Variants in RBM20 observed in about 807,000 individuals in gnomAD.
The protein encoded by RBM20 is RNA binding motif protein 20, also known as RNA-binding protein 20.
Under a neutral mutation model 110.1 loss-of-function variants are expected in RBM20, and 51 were observed. The observed-to-expected ratio is 0.46, with a 90% CI of 0.37 to 0.59. RBM20 has a LOEUF of 0.59. RBM20 is among the 20% of genes least tolerant of loss of function. The pLI is 0.00. For synonymous variants in RBM20, 589 were observed against 618.2 expected (o/e 0.95, Z 0.70); for missense variants, 1,512 against 1,574.9 (o/e 0.96, Z 0.68).
chr10:110,650,850 A>G (rs1257836065), intron 1 of RBM20, among the ~76,000 whole-genome samples: 1 of 152,214 alleles, frequency 6.6e-6, no homozygotes, highest in Non-Finnish European at 1.5e-5. Context: ...TAGGTAATAT[A>G]TATTTTAAAG....
intron 1 of RBM20, among the ~76,000 whole-genome samples, chr10:110,672,362 A>C (rs1338916370): frequency 6.6e-6 from 1 of 152,220 alleles, no homozygotes. Flanking sequence ...TCGTGTTTGA[A>C]AACTAGAAGC....
intron 1 of RBM20, among the ~76,000 whole-genome samples, chr10:110,762,294 C>T (rs542069529): frequency 1.3e-5 from 2 of 152,310 alleles, no homozygotes; most frequent in South Asian, 4.1e-4. Context: ...GACTTACTGC[C>T]TACCACATGT....
chr10:110,679,144 G>A (rs886126677), intron 1 of RBM20, among the ~76,000 whole-genome samples: 3 of 152,176 alleles, frequency 2.0e-5, no homozygotes, highest in African/African-American at 4.8e-5. Flanking sequence ...TAGGATGAAG[G>A]CTGTATAAAG....
chr10:110,804,721 T>C lies in RBM20; in HGVS notation c.1800+4803T>C, dbSNP rs1043684402. 5.3e-5 allele frequency among the ~76,000 whole-genome samples: 8 copies of C among 152,310 alleles called. No homozygotes were observed. The East Asian group carries it at 5.8e-4, about 11-fold the overall frequency. On this transcript the variant is annotated intron_variant, in intron 7 of 13. Transcript: ENST00000369519. ...CTTCCTGCAGACCTGGACAAGATGA[T>C]TGGAATATATTCTGGGTTGTTCTAT...
intron 1 of RBM20, among the ~76,000 whole-genome samples, chr10:110,727,296 G>T (rs746064368): frequency 6.7e-6 from 1 of 148,764 alleles, no homozygotes; most frequent in Non-Finnish European, 1.5e-5. Context: ...TCTGATTCAC[G>T]CACGGTTTAT....
rs1590701383 is a variant in RBM20 at position 110,821,161 on chromosome 10, A to C, written c.2656-114A>C. On this transcript the variant is annotated intron_variant, in intron 10 of 13. Coordinates refer to ENST00000369519, the MANE Select transcript of RBM20 (RefSeq NM_001134363.3). Reference sequence around the variant, plus strand: ...GGTTCACAGTAATTGTACCAGGTAGAGGTAAGAATGCTCAGATTCTTCCTG... The same window carrying C: ...GGTTCACAGTAATTGTACCAGGTAGCGGTAAGAATGCTCAGATTCTTCCTG... 6 of 823,346 alleles carry C rather than the reference A, an allele frequency of 7.3e-6. No homozygotes were observed. In the East Asian group the frequency reaches 1.6e-4, roughly 22 times the overall value. 51.0% of individuals were successfully genotyped at this position (823,346 alleles called of 1,614,324 possible).
intron 1 of RBM20, among the ~76,000 whole-genome samples, chr10:110,771,784 A>G (rs1311621634): frequency 6.6e-6 from 1 of 152,148 alleles, no homozygotes. Flanking sequence ...GAGAGGGGCC[A>G]GTATATGCCA....
chr10:110,799,930 T>C lies in RBM20; in HGVS notation c.1800+12T>C. 4.5e-6 allele frequency: 7 copies of C among 1,551,152 alleles called. No individual in the cohort carries two copies. Among genetic ancestry groups the C allele is most frequent in the Non-Finnish European group, 6.1e-6 (7 of 1,146,284 alleles). On this transcript the variant is annotated intron_variant, in intron 7 of 13. Transcript: ENST00000369519. ...AATTGCAGCTCAAGGTAAAGCATTA[T>C]CTTGCTCATTCAGTCATTCAACAAG...
chr10:110,753,678 A>G (rs547927692), intron 1 of RBM20, among the ~76,000 whole-genome samples: 31 of 152,364 alleles, frequency 2.0e-4, no homozygotes, highest in African/African-American at 7.5e-4. Context: ...TCAAAACGAC[A>G]CAAATTCATT....
intron 1 of RBM20, among the ~76,000 whole-genome samples, chr10:110,710,345 A>G (rs7091318): frequency 0.28 from 42,170 of 152,208 alleles, 6,129 homozygotes; most frequent in East Asian, 0.32. Flanking sequence ...CTTCTGTAGC[A>G]TATACTGTGT....
chr10:110,763,751 C>CCTT (rs1554896903), intron 1 of RBM20, among the ~76,000 whole-genome samples: 67 of 64,356 alleles, frequency 1.0e-3, no homozygotes, highest in African/African-American at 1.5e-3. Context: ...GGCTTCTTGG[C>CCTT]TTTTTTTTTT....
chr10:110,677,520 G>A (rs758083442), intron 1 of RBM20, among the ~76,000 whole-genome samples: 7 of 152,004 alleles, frequency 4.6e-5, no homozygotes, highest in Admixed American at 1.3e-4. Flanking sequence ...GGGTTTCACC[G>A]TGTTAGCCAG....
At chr10:110,647,463 T>C (rs572487220) in intron 1 of RBM20, among the ~76,000 whole-genome samples, 26 of 152,298 alleles carry the variant, frequency 1.7e-4, no homozygotes, top group African/African-American at 6.3e-4. Context: ...AATTAATATT[T>C]TATAAGATTT....
At chr10:110,721,203 C>T (rs1215514043) in intron 1 of RBM20, among the ~76,000 whole-genome samples, 1 of 152,192 alleles carries the variant, frequency 6.6e-6, no homozygotes, top group African/African-American at 2.4e-5. Flanking sequence ...TATACATTTA[C>T]TTGTCCTCTA....
chr10:110,738,592 C>G (rs1034277540), intron 1 of RBM20, among the ~76,000 whole-genome samples: 3 of 152,026 alleles, frequency 2.0e-5, no homozygotes, highest in African/African-American at 7.2e-5. Context: ...TGGACTAACA[C>G]TTATGACATA....
chr10:110,654,626 C>CAGT (rs1166047908), intron 1 of RBM20, among the ~76,000 whole-genome samples: 1 of 151,822 alleles, frequency 6.6e-6, no homozygotes, highest in African/African-American at 2.4e-5. Flanking sequence ...TGGGGCTGGT[C>CAGT]AGTGACTAGC....
At chr10:110,716,911 CAAAAAAAAAAAGAA>C (rs1412226573) in intron 1 of RBM20, among the ~76,000 whole-genome samples, 2 of 92,406 alleles carry the variant, frequency 2.2e-5, no homozygotes, top group Non-Finnish European at 4.3e-5. Flanking sequence ...AACTCCGTCT[CAAAAAAAAAAAGAA>C]AAAAAAAAAA....
rs996751865 is a variant in RBM20, at chr10:110,781,737, C to T, written c.1128C>T (p.Ile376=). The change falls in exon 2 of 14, where the codon ATC becomes ATT. Residue 376 remains isoleucine, a synonymous_variant. Transcript: ENST00000369519. Reference sequence around the variant, plus strand: ...TTAACAACAGCAAACAGGGTTTTATCGGTGCTGGGCGGAGGGCCAAGGAGG... The same window carrying T: ...TTAACAACAGCAAACAGGGTTTTATTGGTGCTGGGCGGAGGGCCAAGGAGG... ...GRLNNSKQGF[I]GAGRRAKEDQ... The T allele has an allele frequency of 2.4e-5, 38 of 1,551,674 alleles. No homozygotes were observed. The highest frequency in any genetic ancestry group is 1.7e-4 in the Middle Eastern group (1 of 6,016).
intron 1 of RBM20, among the ~76,000 whole-genome samples, chr10:110,765,472 GTATCTT>G (rs1466695118): frequency 1.3e-5 from 2 of 152,068 alleles, no homozygotes; most frequent in Non-Finnish European, 1.5e-5. Flanking sequence ...CACCTCTTAG[GTATCTT>G]TAAGTAAAGT....
Sources: gnomAD v4.1 joint callset for allele counts (sites outside exome capture counted in the v4.1 genomes callset) on GRCh38, gnomAD v4.1.1 for gene constraint, MANE v1.5 for transcripts, NCBI Gene and HGNC (gene_info 2026-07-23, HGNC 2026-07-21) for gene names.